CUL5: variants seen among roughly 807,000 people sequenced by gnomAD.
CUL5 encodes the protein cullin 5, also known as cullin-5.
In CUL5, 26 loss-of-function variants were observed where a neutral mutation model predicts 108.8. The ratio of observed to expected loss-of-function variants is 0.24; its 90% confidence interval spans 0.18 to 0.33. The LOEUF (loss-of-function observed/expected upper bound fraction) is 0.33, where lower values mean the gene tolerates loss of function less well. CUL5 is among the 10% of genes least tolerant of loss of function. The probability of loss-of-function intolerance (pLI) is 1.00; values close to 1 mark genes in which losing one functional copy is unlikely to be tolerated. For synonymous variants in CUL5, 334 were observed against 298.0 expected (o/e 1.12, Z -1.25); for missense variants, 524 against 909.2 (o/e 0.58, Z 5.45).
At chr11:108,088,852 TGAAAG>T (rs1054091291) in intron 12 of CUL5, among the ~76,000 whole-genome samples, 193 bp downstream of exon 12, 6 of 152,172 alleles carry the variant, frequency 3.9e-5, no homozygotes, top group African/African-American at 1.4e-4. Flanking sequence ...TACAGCTTCT[TGAAAG>T]GAATACCATT....
In CUL5 at chr11:108,014,582, G is replaced by A. The variant is rs117152510; in HGVS notation, c.24+5210G>A. Among the ~76,000 whole-genome samples, 974 of 152,294 alleles carry A rather than the reference G, an allele frequency of 6.4e-3. 10 individuals carry two copies. The highest frequency in any genetic ancestry group is 7.2e-3 in the Non-Finnish European group (491 of 68,024). On this transcript the variant is annotated intron_variant, in intron 1 of 18. Coordinates refer to ENST00000393094, the MANE Select transcript of CUL5 (RefSeq NM_003478.6). ...TTTTCTGTATATTTATAATCTGCTT[G>A]TGAGATTGGCCATGGATGAGGGGCA...
chr11:108,046,870 A>G lies in CUL5; in HGVS notation c.234+501A>G, dbSNP rs141974654. 4.6e-5 allele frequency among the ~76,000 whole-genome samples: 7 copies of G among 152,344 alleles called. No individual in the cohort carries two copies. The East Asian group carries it at 1.2e-3, about 25-fold the overall frequency. The stretch of plus-strand genomic sequence containing the variant: ...TCAAAAATCAAAAGCTCATTTAGGC[A>G]TTAGATCAGTAATGCAAGAGTTAGT... On this transcript the variant is annotated intron_variant, in intron 3 of 18. Transcript: ENST00000393094.
intron 4 of CUL5, among the ~76,000 whole-genome samples, chr11:108,051,410 G>T (rs1299326476): frequency 6.6e-6 from 1 of 152,144 alleles, no homozygotes; most frequent in East Asian, 1.9e-4. Flanking sequence ...AGTTAGCTTT[G>T]CTATCTGTAC....
At position 108,105,774 on chromosome 11, in the gene CUL5, T is replaced by C. The variant is rs904440571; in HGVS notation, c.*1390T>C. The C allele has an allele frequency of 3.3e-5, 5 of 152,164 alleles. No individual in the cohort carries two copies. The highest frequency in any genetic ancestry group is 9.6e-5 in the African/African-American group (4 of 41,458). The allele number at this position is 152,164 out of a possible 1,614,324, so 9.4% of individuals were successfully genotyped here. A position where few individuals can be genotyped will look rare whatever the true frequency, so the allele number is the denominator to read the frequency against. ...GCACGTTTCAAATTTTCTTGCAAAT[T>C]ATTTTATATCTTATTTGATGTTAAG... On this transcript the variant is annotated 3_prime_UTR_variant, in exon 19 of 19. Coordinates refer to ENST00000393094, the MANE Select transcript of CUL5 (RefSeq NM_003478.6).
chr11:108,046,256 C>G lies in CUL5; in HGVS notation c.135-14C>G. On this transcript the variant is annotated splice_polypyrimidine_tract_variant and intron_variant, in intron 2 of 18. Transcript: ENST00000393094. ...TTCATTATTAATGTTTGTTTACCTA[C>G]TTTATATTCACAGGGATGTGCATGC... 6.4e-7 allele frequency: 1 copy of G among 1,554,564 alleles called. No homozygotes were observed. The highest frequency in any genetic ancestry group is 8.8e-7 in the Non-Finnish European group (1 of 1,134,304).
chr11:108,049,810 T>C, intron 3 of CUL5, 80 bp from the exon 4 acceptor site: 7 of 1,107,872 alleles, frequency 6.3e-6, no homozygotes, highest in Non-Finnish European at 7.8e-6. Flanking sequence ...TTATGTACAA[T>C]TTAAATTTTG....
chr11:108,017,678 C>T (rs1012584435), intron 1 of CUL5, among the ~76,000 whole-genome samples: 9 of 152,124 alleles, frequency 5.9e-5, no homozygotes, highest in African/African-American at 1.9e-4. Flanking sequence ...AGTAAGACCT[C>T]ATCTCTACAA....
chr11:108,073,926 T>C (rs1012024737), intron 10 of CUL5: 3 of 153,876 alleles, frequency 1.9e-5, no homozygotes, highest in Admixed American at 1.3e-4. Context: ...AGTTATGTTA[T>C]ACTTATCCTT....
intron 18 of CUL5, among the ~76,000 whole-genome samples, chr11:108,101,390 G>A (rs1014940143): frequency 5.3e-5 from 8 of 152,252 alleles, no homozygotes; most frequent in African/African-American, 1.9e-4. Flanking sequence ...GGTAACTGCT[G>A]CTGTTGTCTA....
chr11:108,074,575 C>A (rs1031355275), intron 10 of CUL5, among the ~76,000 whole-genome samples: 2 of 151,748 alleles, frequency 1.3e-5, no homozygotes, highest in Non-Finnish European at 2.9e-5. Flanking sequence ...GAGGCCAGGG[C>A]GGGTGGATCA....
chr11:108,065,018 T>A (rs972510168), intron 7 of CUL5, among the ~76,000 whole-genome samples: 18 of 152,030 alleles, frequency 1.2e-4, no homozygotes, highest in South Asian at 4.1e-4. Context: ...ATTTTATTTA[T>A]TTAATTAATT....
chr11:108,081,754 GA>G (rs1307042129), intron 11 of CUL5, among the ~76,000 whole-genome samples: 1 of 152,052 alleles, frequency 6.6e-6, no homozygotes, highest in South Asian at 2.1e-4. Flanking sequence ...TCCGTCTCAA[GA>G]AAAAAATCAG....
At chr11:108,075,915 C>T (rs1178072527) in intron 10 of CUL5, among the ~76,000 whole-genome samples, 3 of 152,242 alleles carry the variant, frequency 2.0e-5, no homozygotes, top group Non-Finnish European at 4.4e-5. Context: ...TAAAGATATC[C>T]ACCATCTGAC....
chr11:108,106,230 C>A lies in CUL5; in HGVS notation c.*1846C>A, dbSNP rs1291157272. 1 of 152,502 alleles carries A rather than the reference C, an allele frequency of 6.6e-6. No individual in the cohort carries two copies. Among genetic ancestry groups the A allele is most frequent in the Non-Finnish European group, 1.5e-5 (1 of 67,978 alleles). 9.4% of individuals were successfully genotyped at this position (152,502 alleles called of 1,614,324 possible). A position where few individuals can be genotyped will look rare whatever the true frequency, so the allele number is the denominator to read the frequency against. On this transcript the variant is annotated 3_prime_UTR_variant, in exon 19 of 19. Transcript: ENST00000393094. Reference sequence around the variant, plus strand: ...AGATAATTCAGCATTGGCGTATTTGCTTGTCCCAATACAAGAATGCCAAAG... The same window carrying A: ...AGATAATTCAGCATTGGCGTATTTGATTGTCCCAATACAAGAATGCCAAAG...
intron 7 of CUL5, among the ~76,000 whole-genome samples, chr11:108,055,614 AAT>A (rs150760318): frequency 0.025 from 3,560 of 144,530 alleles, 152 homozygotes; most frequent in African/African-American, 0.085. Flanking sequence ...CTGACTAATA[AAT>A]ATATATATAT....
In CUL5 at chr11:108,106,148, G is replaced by A. The variant is rs1864795362; in HGVS notation, c.*1764G>A. 6.6e-6 allele frequency: 1 copy of A among 152,414 alleles called. No individual in the cohort carries two copies. The highest frequency in any genetic ancestry group is 2.4e-5 in the African/African-American group (1 of 41,418). 9.4% of individuals were successfully genotyped at this position (152,414 alleles called of 1,614,324 possible). A position where few individuals can be genotyped will look rare whatever the true frequency, so the allele number is the denominator to read the frequency against. On this transcript the variant is annotated 3_prime_UTR_variant, in exon 19 of 19. Transcript: ENST00000393094. ...CTAATTAGGTGACTGTTCATAATGG[G>A]TATATTTGGAATTTAGAAGAAATAA... is the stretch of plus-strand genomic sequence containing the variant.
intron 16 of CUL5, among the ~76,000 whole-genome samples, chr11:108,096,564 C>CTTTT (rs71047671): frequency 4.4e-5 from 2 of 45,820 alleles, no homozygotes; most frequent in South Asian, 1.5e-3. Context: ...CAGCTATGTA[C>CTTTT]TTTTTTTTTT....
chr11:108,057,306 G>A (rs969039763), intron 7 of CUL5, among the ~76,000 whole-genome samples: 3 of 152,096 alleles, frequency 2.0e-5, no homozygotes, highest in African/African-American at 4.8e-5. Context: ...AGGATTACAG[G>A]CACGAGCCAC....
chr11:108,027,866 TTCTG>T (rs779406701), intron 1 of CUL5, among the ~76,000 whole-genome samples: 8 of 152,224 alleles, frequency 5.3e-5, no homozygotes, highest in Admixed American at 4.6e-4. Context: ...AAATTGATTA[TTCTG>T]TCTTTCTGAC....
Sources: gnomAD v4.1 joint callset for allele counts (sites outside exome capture counted in the v4.1 genomes callset) on GRCh38, gnomAD v4.1.1 for gene constraint, MANE v1.5 for transcripts, NCBI Gene and HGNC (gene_info 2026-07-23, HGNC 2026-07-21) for gene names.